The following DIAPH2 variants were observed in gnomAD, a reference collection of about 807,000 sequenced individuals.
The protein encoded by DIAPH2 is diaphanous related formin 2.
In DIAPH2, 35 loss-of-function variants were observed where a neutral mutation model predicts 92.7. That is an observed-to-expected ratio of 0.38 (90% CI 0.29 to 0.50). DIAPH2 has a LOEUF of 0.50. Among genes scored for constraint, DIAPH2 ranks in the 20% least tolerant of loss-of-function variants. DIAPH2 has a pLI of 0.94. For missense variants in DIAPH2, 701 were observed against 819.5 expected (o/e 0.86, Z 1.77); for synonymous variants, 301 against 280.4 (o/e 1.07, Z -0.73).
chrX:96,946,593 T>G (rs1238585669), intron 14 of DIAPH2, among the ~76,000 whole-genome samples: 1 of 112,069 alleles, frequency 8.9e-6, no homozygotes, highest in Non-Finnish European at 1.9e-5. Flanking sequence ...CATAAAATGT[T>G]TGTGTGGAGC....
intron 26 of DIAPH2, among the ~76,000 whole-genome samples, chrX:97,566,245 G>A (rs2071326662): frequency 9.0e-6 from 1 of 111,542 alleles, no homozygotes; most frequent in Admixed American, 9.5e-5. Context: ...CTTGTAGGGA[G>A]CAACGGGAAG....
chrX:96,691,359 G>A (rs987866508), intron 1 of DIAPH2, among the ~76,000 whole-genome samples: 2 of 111,832 alleles, frequency 1.8e-5, no homozygotes, highest in Non-Finnish European at 3.8e-5. Flanking sequence ...TATCCAAGTG[G>A]GCATGTTGTG....
In DIAPH2 at chrX:97,021,316, A is replaced by G. The variant is rs1430808163; in HGVS notation, c.2051-51625A>G. Reference sequence around the variant, plus strand: ...TGGGCTCAGGTGATCCTCGCACCTCAGTCTCCCGAGTAGCTGGGACTACAG... The same window carrying G: ...TGGGCTCAGGTGATCCTCGCACCTCGGTCTCCCGAGTAGCTGGGACTACAG... On this transcript the variant is annotated intron_variant, in intron 17 of 26. Coordinates refer to ENST00000324765, the MANE Select transcript of DIAPH2 (RefSeq NM_006729.5). Among the ~76,000 whole-genome samples, 3 of 111,483 alleles carry G rather than the reference A, an allele frequency of 2.7e-5. No homozygotes were observed. The East Asian group carries it at 8.4e-4, about 31-fold the overall frequency.
intron 1 of DIAPH2, among the ~76,000 whole-genome samples, chrX:96,730,916 G>A (rs1009262267): frequency 9.0e-6 from 1 of 110,674 alleles, no homozygotes; most frequent in Non-Finnish European, 1.9e-5. Context: ...GGGTGGGGCC[G>A]TTTTATAGGA....
chrX:97,546,979 G>A (rs766265784), intron 26 of DIAPH2, among the ~76,000 whole-genome samples: 1 of 112,206 alleles, frequency 8.9e-6, no homozygotes, highest in South Asian at 3.8e-4. Context: ...TTTGCTTGAA[G>A]TTAACTATCT....
chrX:97,538,871 G>C (rs186329328), intron 26 of DIAPH2, among the ~76,000 whole-genome samples: 8 of 112,028 alleles, frequency 7.1e-5, no homozygotes, highest in Non-Finnish European at 3.8e-5. Context: ...ACTGAATAAA[G>C]AAAGTTGCCC....
intron 25 of DIAPH2, among the ~76,000 whole-genome samples, chrX:97,399,143 T>G (rs1319281499): frequency 8.9e-6 from 1 of 111,892 alleles, no homozygotes; most frequent in Admixed American, 9.4e-5. Context: ...TCTCAAAAAT[T>G]TACTTTAAGA....
intron 26 of DIAPH2, among the ~76,000 whole-genome samples, chrX:97,441,294 A>G (rs1173393839): frequency 9.1e-6 from 1 of 110,268 alleles, no homozygotes; most frequent in African/African-American, 3.3e-5. Context: ...GCATGCCTGT[A>G]ATCCCAGCTA....
rs930162904 is a variant in DIAPH2, at chrX:97,039,209, C to T, written c.2051-33732C>T. ...ATAGCTTTATTACATATTGACCATT[C>T]GTTTTCGTCTAATTTTTGTTCATAT... is the stretch of plus-strand genomic sequence containing the variant. On this transcript the variant is annotated intron_variant, in intron 17 of 26. Transcript: ENST00000324765. Among the ~76,000 whole-genome samples the T allele has an allele frequency of 7.2e-5, 8 of 111,002 alleles. No individual in the cohort carries two copies. The South Asian group carries it at 1.9e-3, about 26-fold the overall frequency.
chrX:97,482,872 C>A (rs2070660927), intron 26 of DIAPH2, among the ~76,000 whole-genome samples: 2 of 111,626 alleles, frequency 1.8e-5, no homozygotes, highest in Admixed American at 9.6e-5. Context: ...GCACTACTTT[C>A]TCCTCAGAGG....
intron 22 of DIAPH2, among the ~76,000 whole-genome samples, chrX:97,241,194 T>C (rs1162319809): frequency 8.9e-6 from 1 of 112,583 alleles, no homozygotes; most frequent in Non-Finnish European, 1.9e-5. Flanking sequence ...ATAGAATTTT[T>C]GTATTAGATA....
At chrX:97,574,623 A>G (rs186719039) in intron 26 of DIAPH2, among the ~76,000 whole-genome samples, 78 of 111,945 alleles carry the variant, frequency 7.0e-4, no homozygotes, top group African/African-American at 2.5e-3. Flanking sequence ...GATCCAAGAA[A>G]GGGAACAGCA....
At chrX:97,333,300 A>T (rs889799924) in intron 23 of DIAPH2, among the ~76,000 whole-genome samples, 2 of 111,590 alleles carry the variant, frequency 1.8e-5, no homozygotes, top group African/African-American at 6.5e-5. Flanking sequence ...AGGAGCCTAT[A>T]TACTTCAACT....
intron 22 of DIAPH2, among the ~76,000 whole-genome samples, chrX:97,155,906 A>G (rs1156660990): frequency 2.7e-5 from 3 of 112,230 alleles, no homozygotes; most frequent in Non-Finnish European, 5.6e-5. Flanking sequence ...TTCTGAAGGG[A>G]ATTAAAACAG....
intron 24 of DIAPH2, among the ~76,000 whole-genome samples, chrX:97,348,996 ATATATATGTGTGTG>A (rs2069183462): frequency 9.3e-6 from 1 of 107,587 alleles, no homozygotes; most frequent in South Asian, 4.0e-4. Context: ...GTGTGTGTAT[ATATATATGTGTGTG>A]TATATATATG....
At chrX:96,982,936 C>CG (rs1300831123) in intron 17 of DIAPH2, among the ~76,000 whole-genome samples, 13 of 111,286 alleles carry the variant, frequency 1.2e-4, no homozygotes, top group African/African-American at 4.2e-4. Flanking sequence ...GGGACACAAG[C>CG]GATTTTTAAA....
intron 17 of DIAPH2, among the ~76,000 whole-genome samples, chrX:97,054,978 G>T (rs1334279521): frequency 9.1e-6 from 1 of 110,487 alleles, no homozygotes; most frequent in Non-Finnish European, 1.9e-5. Flanking sequence ...TGAAAGCAAA[G>T]ACTGTGCTTT....
chrX:97,314,755 TAAATG>T (rs1298546634), intron 23 of DIAPH2, among the ~76,000 whole-genome samples: 1 of 112,031 alleles, frequency 8.9e-6, no homozygotes, highest in African/African-American at 3.2e-5. Context: ...GAGAAATACT[TAAATG>T]AATCACTCAG....
chrX:97,132,303 G>A (rs1371957386), intron 21 of DIAPH2, among the ~76,000 whole-genome samples: 2 of 111,593 alleles, frequency 1.8e-5, no homozygotes, highest in South Asian at 3.7e-4. Flanking sequence ...TCTTTCCACC[G>A]TAAATTACAT....
Sources: allele counts gnomAD v4.1 joint callset (sites outside exome capture counted in the v4.1 genomes callset), GRCh38; gene constraint gnomAD v4.1.1; transcripts MANE v1.5; gene names NCBI Gene and HGNC (gene_info 2026-07-23, HGNC 2026-07-21).